Variants in POU2AF3 observed in about 807,000 individuals in gnomAD.
The protein encoded by POU2AF3 is cancer susceptibility candidate 13.
At chr11:111,299,098 G>A in the POU2AF3 span, 1 of 972,662 alleles carries the variant, frequency 1.0e-6, no homozygotes, top group Non-Finnish European at 1.2e-6. Flanking sequence ...CCTGGGCCCT[G>A]CGGGCGGGGC....
the POU2AF3 span, chr11:111,299,452 C>T: frequency 1.0e-5 from 11 of 1,060,950 alleles, no homozygotes; most frequent in Admixed American, 1.6e-4. Context: ...CTCACTGCGG[C>T]TTTTCGGGGC....
chr11:111,298,827 C>CCGGGG, the POU2AF3 span: 120 of 631,522 alleles, frequency 1.9e-4, no homozygotes, highest in Middle Eastern at 5.0e-4. Flanking sequence ...GTACCCCAGG[C>CCGGGG]CCCCGCCCGC....
the POU2AF3 span, chr11:111,298,826 G>GCGGGGGGGGGGCCCCCC: frequency 1.3e-6 from 1 of 790,962 alleles, no homozygotes; most frequent in Non-Finnish European, 1.7e-6. Flanking sequence ...CGTACCCCAG[G>GCGGGGGGGGGGCCCCCC]CCCCCGCCCG....
the POU2AF3 span, among the ~76,000 whole-genome samples, chr11:111,303,520 T>C: frequency 6.6e-6 from 1 of 152,058 alleles, no homozygotes; most frequent in Non-Finnish European, 1.5e-5. Flanking sequence ...CTCAGGGAGA[T>C]AACATGGGGT....
chr11:111,299,740 A>G, the POU2AF3 span: 1 of 1,229,896 alleles, frequency 8.1e-7, no homozygotes. Context: ...GAGAGAGGGG[A>G]AGAAGGGGAG....
At chr11:111,300,099 G>A in the POU2AF3 span, 7 of 387,420 alleles carry the variant, frequency 1.8e-5, no homozygotes, top group East Asian at 2.2e-4. Flanking sequence ...CATAATCAGA[G>A]AAAGCCCCCT....
At chr11:111,299,031 G>C in the POU2AF3 span, 9 of 992,112 alleles carry the variant, frequency 9.1e-6, no homozygotes, top group Non-Finnish European at 1.1e-5. Context: ...GTCCGGAGCC[G>C]ATCGGGGAAC....
chr11:111,299,755 G>A, the POU2AF3 span: 83 of 1,223,960 alleles, frequency 6.8e-5, no homozygotes, highest in East Asian at 2.4e-3. Flanking sequence ...GGGGAGAGTA[G>A]GAGCGGGGGC....
the POU2AF3 span, chr11:111,300,606 G>A: frequency 8.1e-6 from 10 of 1,231,440 alleles, no homozygotes; most frequent in South Asian, 8.2e-5. Flanking sequence ...CACACCAGGC[G>A]GCCTCCGGGG....
chr11:111,298,826 G>GCCGGGGGGGGC, the POU2AF3 span: 1 of 790,962 alleles, frequency 1.3e-6, no homozygotes, highest in Non-Finnish European at 1.7e-6. Flanking sequence ...CGTACCCCAG[G>GCCGGGGGGGGC]CCCCCGCCCG....
At chr11:111,298,826 G>GCGGGGGCGCCC in the POU2AF3 span, 1 of 790,962 alleles carries the variant, frequency 1.3e-6, no homozygotes, top group Non-Finnish European at 1.7e-6. Context: ...CGTACCCCAG[G>GCGGGGGCGCCC]CCCCCGCCCG....
At chr11:111,299,878 G>A in the POU2AF3 span, 14 of 522,064 alleles carry the variant, frequency 2.7e-5, no homozygotes, top group South Asian at 1.2e-3. Context: ...CTCGGGCCTG[G>A]CCCCTTTACT....
the POU2AF3 span, chr11:111,308,657 A>AACTTT: frequency 5.1e-6 from 2 of 392,678 alleles, no homozygotes; most frequent in African/African-American, 4.1e-5. Flanking sequence ...TTTTGTAGGA[A>AACTTT]ACTTTCAATT....
the POU2AF3 span, chr11:111,299,323 T>C: frequency 1.0e-6 from 1 of 987,672 alleles, no homozygotes; most frequent in Non-Finnish European, 1.2e-6. Flanking sequence ...CCCGGCGCGA[T>C]TCCTGGACGC....
At chr11:111,299,656 C>T in the POU2AF3 span, 2 of 1,229,992 alleles carry the variant, frequency 1.6e-6, no homozygotes, top group African/African-American at 3.1e-5. Flanking sequence ...TTCCCCAGCT[C>T]GCGCTGCGCG....
the POU2AF3 span, chr11:111,299,249 G>A: frequency 7.1e-6 from 7 of 986,192 alleles, no homozygotes; most frequent in South Asian, 2.3e-4. Flanking sequence ...TGGCATCCTG[G>A]CACTATCTCC....
chr11:111,299,370 G>C, the POU2AF3 span: 1 of 994,404 alleles, frequency 1.0e-6, no homozygotes, highest in East Asian at 1.1e-4. Context: ...GAGCCGCCCC[G>C]GACTCCTGCG....
chr11:111,306,437 T>C, the POU2AF3 span: 4 of 1,483,924 alleles, frequency 2.7e-6, no homozygotes, highest in African/African-American at 1.4e-5. Context: ...CGCCCAATTA[T>C]TTGCAACGGG....
chr11:111,304,427 T>G, the POU2AF3 span, among the ~76,000 whole-genome samples: 5 of 152,154 alleles, frequency 3.3e-5, no homozygotes, highest in African/African-American at 1.2e-4. Flanking sequence ...ACATTAATTT[T>G]TTACTAAAAA....
Sources: gnomAD v4.1 joint callset for allele counts (sites outside exome capture counted in the v4.1 genomes callset) on GRCh38, gnomAD v4.1.1 for gene constraint, MANE v1.5 for transcripts, NCBI Gene and HGNC (gene_info 2026-07-23, HGNC 2026-07-21) for gene names.